Variants in UBXN11 observed in about 807,000 individuals in gnomAD.
UBXN11 encodes UBX domain protein 11.
A neutral mutation model predicts 62.8 loss-of-function variants in UBXN11; 47 were observed. The ratio of observed to expected loss-of-function variants is 0.75; its 90% CI spans 0.59 to 0.95. UBXN11 has a LOEUF of 0.95. Ranked by LOEUF, UBXN11 falls within the 40% of genes least tolerant of loss-of-function variation. UBXN11 has a pLI of 0.00. For synonymous variants in UBXN11, 294 were observed against 267.0 expected (o/e 1.10, Z -0.99); for missense variants, 638 against 661.7 (o/e 0.96, Z 0.39).
In UBXN11 at chr1:26,284,017, G is replaced by A. The variant is rs187273418; in HGVS notation, c.1077+125C>T. 6.9e-5 allele frequency: 68 copies of A among 991,972 alleles called. 1 individual carries two copies. Among genetic ancestry groups the A allele is most frequent in the Non-Finnish European group, 8.7e-5 (58 of 668,134 alleles). 61.4% of individuals were successfully genotyped at this position (991,972 alleles called of 1,614,324 possible). A position where few individuals can be genotyped will look rare whatever the true frequency, so the allele number is the denominator to read the frequency against. ...GTTTCCAGGAGACAGTGGAGCAACAGCTCTGAGGGACTCATCAGGTGCCTC... is the reference window on the plus strand; with the variant it reads ...GTTTCCAGGAGACAGTGGAGCAACAACTCTGAGGGACTCATCAGGTGCCTC... On this transcript the variant is annotated intron_variant, in intron 12 of 14. Transcript: ENST00000374222.
chr1:26,313,782 CT>C (rs56037016), intron 1 of UBXN11, among the ~76,000 whole-genome samples: 60,407 of 125,460 alleles, frequency 0.48, 13,671 homozygotes, highest in Non-Finnish European at 0.58. Context: ...AATTTTTTTT[CT>C]TTTTTTTTTT....
intron 1 of UBXN11, among the ~76,000 whole-genome samples, chr1:26,304,765 A>G (rs1310382598): frequency 6.6e-6 from 1 of 151,970 alleles, no homozygotes; most frequent in Non-Finnish European, 1.5e-5. Context: ...AAAAAAATTC[A>G]TAATTCCTTG....
intron 3 of UBXN11, 99 bp from the exon 4 acceptor site, chr1:26,301,123 C>T: frequency 1.3e-6 from 2 of 1,582,960 alleles, no homozygotes; most frequent in Non-Finnish European, 1.7e-6. Flanking sequence ...ATGCACTGTG[C>T]CCCAGGGAGT....
At chr1:26,292,637 C>T (rs2073297097) in intron 8 of UBXN11, among the ~76,000 whole-genome samples, 1 of 152,070 alleles carries the variant, frequency 6.6e-6, no homozygotes, top group African/African-American at 2.4e-5. Context: ...GGGAAGATCA[C>T]GAGGTTAGGA....
intron 7 of UBXN11, among the ~76,000 whole-genome samples, chr1:26,294,534 T>C (rs540292102): frequency 1.3e-5 from 2 of 152,298 alleles, no homozygotes; most frequent in South Asian, 4.1e-4. Flanking sequence ...CTCAGACGAC[T>C]CCTCTAATAA....
At position 26,284,301 on chromosome 1, in the gene UBXN11, C is replaced by A; in HGVS notation, c.974-56G>T. ...GAAGGACTATGAGTGGTGGTGGAGC[C>A]CCCCTGGAGTTTGTTCTGCAGTCCC... On this transcript the variant is annotated intron_variant, in intron 11 of 14. Transcript: ENST00000374222. 12 of 1,610,662 alleles carry A rather than the reference C, an allele frequency of 7.5e-6. No homozygotes were observed. In the South Asian group the frequency reaches 1.2e-4, roughly 16 times the overall value.
At chr1:26,301,827 TG>T in intron 2 of UBXN11, 105 bp from the exon 3 acceptor site, 1 of 1,479,200 alleles carries the variant, frequency 6.8e-7, no homozygotes, top group East Asian at 2.3e-5. Flanking sequence ...CTCAAAGAGA[TG>T]GAAGCAGGGC....
At chr1:26,300,806 G>A (rs2073513854) in intron 4 of UBXN11, 120 bp downstream of exon 4, 2 of 1,507,736 alleles carry the variant, frequency 1.3e-6, no homozygotes, top group African/African-American at 1.4e-5. Flanking sequence ...AGCCAGGAGT[G>A]GAAGCAGCTG....
At chr1:26,292,616 G>C (rs2073295992) in intron 8 of UBXN11, among the ~76,000 whole-genome samples, 1 of 152,200 alleles carries the variant, frequency 6.6e-6, no homozygotes, top group African/African-American at 2.4e-5. Flanking sequence ...AGCACTTTGG[G>C]ATGCCGAGGC....
chr1:26,311,757 G>A (rs572418982), intron 1 of UBXN11, among the ~76,000 whole-genome samples: 1 of 152,288 alleles, frequency 6.6e-6, no homozygotes, highest in Admixed American at 6.5e-5. Flanking sequence ...CTATTCTTGA[G>A]AGTGGACAGA....
At chr1:26,289,696 T>C (rs952605215) in intron 8 of UBXN11, among the ~76,000 whole-genome samples, 3 of 152,276 alleles carry the variant, frequency 2.0e-5, no homozygotes, top group Non-Finnish European at 4.4e-5. Context: ...GACAATGGCA[T>C]GTGTAAGTAT....
chr1:26,310,734 A>G (rs2073733516), upstream of UBXN11, among the ~76,000 whole-genome samples: 1 of 106,118 alleles, frequency 9.4e-6, no homozygotes, highest in African/African-American at 3.6e-5. Context: ...TCTTAAAAAA[A>G]AAAAAAAAAA....
At chr1:26,300,705 CCTGGGG>C (rs202072779) in intron 4 of UBXN11, among the ~76,000 whole-genome samples, 14 of 152,160 alleles carry the variant, frequency 9.2e-5, no homozygotes, top group East Asian at 3.9e-4. Context: ...CACAGCCTGG[CCTGGGG>C]CTGGGGCTGG....
chr1:26,313,161 T>C (rs2073760815), intron 1 of UBXN11, among the ~76,000 whole-genome samples: 1 of 152,010 alleles, frequency 6.6e-6, no homozygotes, highest in Non-Finnish European at 1.5e-5. Flanking sequence ...CTGTGACGTG[T>C]GCTATAACTC....
chr1:26,316,838 A>G (rs1570151928), intron 1 of UBXN11, among the ~76,000 whole-genome samples: 1 of 148,592 alleles, frequency 6.7e-6, no homozygotes, highest in East Asian at 2.0e-4. Context: ...ACTGTAGCTT[A>G]GTCACCCACT....
intron 1 of UBXN11, among the ~76,000 whole-genome samples, chr1:26,315,104 G>T (rs59143843): frequency 0.16 from 24,392 of 152,072 alleles, 2,049 homozygotes; most frequent in Middle Eastern, 0.21. Context: ...AAAAGAGTTT[G>T]CCAGGTAAAA....
At chr1:26,301,387 T>A (rs1480854129) in intron 3 of UBXN11, among the ~76,000 whole-genome samples, 1 of 152,080 alleles carries the variant, frequency 6.6e-6, no homozygotes, top group Admixed American at 6.5e-5. Flanking sequence ...TCCAAACCCC[T>A]GGGCTGGGTA....
intron 8 of UBXN11, among the ~76,000 whole-genome samples, chr1:26,290,951 T>C (rs1366639592): frequency 6.6e-6 from 1 of 152,034 alleles, no homozygotes; most frequent in East Asian, 1.9e-4. Context: ...CTTTCATGTC[T>C]CCACAGACCC....
chr1:26,318,152 C>T, exon 1 of UBXN11: 2 of 1,163,804 alleles, frequency 1.7e-6, no homozygotes, highest in Non-Finnish European at 1.3e-6. Flanking sequence ...ATGTGAGCTC[C>T]CAGAGACCCA....
Sources: allele counts gnomAD v4.1 joint callset (sites outside exome capture counted in the v4.1 genomes callset), GRCh38; gene constraint gnomAD v4.1.1; transcripts MANE v1.5; gene names NCBI Gene and HGNC (gene_info 2026-07-23, HGNC 2026-07-21).